COPE: variants seen among roughly 807,000 people sequenced by gnomAD.
COPE encodes coatomer subunit epsilon.
COPE carries 19 observed loss-of-function variants against 42.1 expected under a neutral mutation model. The ratio of observed to expected loss-of-function variants is 0.45; its 90% CI spans 0.31 to 0.66. COPE has a LOEUF of 0.66. Among genes scored for constraint, COPE ranks in the 30% least tolerant of loss-of-function variants. The pLI, the probability that COPE is intolerant of heterozygous loss-of-function variation, is 0.05. For synonymous variants in COPE, 195 were observed against 181.3 expected (o/e 1.08, Z -0.60); for missense variants, 402 against 416.1 (o/e 0.97, Z 0.30).
chr19:18,900,003 T>G, intron 8 of COPE, 56 bp from the exon 9 acceptor site: 1 of 1,515,522 alleles, frequency 6.6e-7, no homozygotes, highest in Non-Finnish European at 9.0e-7. Flanking sequence ...ACGGTGGCTC[T>G]GACCTGCTGG....
At chr19:18,913,912 T>G (rs1166055333) in intron 1 of COPE, among the ~76,000 whole-genome samples, 1 of 152,170 alleles carries the variant, frequency 6.6e-6, no homozygotes, top group East Asian at 1.9e-4. Flanking sequence ...TGCCCTGTCC[T>G]CTGAAGCCGA....
chr19:18,900,073 G>T, intron 8 of COPE, 126 bp from the exon 9 acceptor site: 2 of 771,846 alleles, frequency 2.6e-6, no homozygotes, highest in Non-Finnish European at 2.1e-6. Context: ...CCTGCCTTGG[G>T]ACTGGGCTGA....
intron 6 of COPE, 55 bp from the exon 7 acceptor site, chr19:18,903,478 C>G (rs889002045): frequency 1.9e-6 from 3 of 1,541,540 alleles, no homozygotes; most frequent in African/African-American, 1.4e-5. Context: ...GCCCTTCCCC[C>G]GCCAGCCCCC....
rs753386771 is a variant in COPE, at chr19:18,910,981, C to T, written c.280G>A (p.Glu94Lys). 26 of 1,613,716 alleles carry T rather than the reference C, an allele frequency of 1.6e-5. 1 individual carries two copies. The Admixed American group carries it at 3.2e-4, about 20-fold the overall frequency. ...VRMFADYLAH[E>K]SRRDSIVAEL... ...TCTCTGGGGCCTCACCTCCGACTCT[C>T]GTGGGCGAGGTAGTCAGCAAACATG... is the stretch of plus-strand genomic sequence containing the variant. The change falls in exon 3 of 10, where the codon GAG becomes AAG. Residue 94 changes from glutamate to lysine, a missense_variant. Glu to Lys is a moderately conservative substitution (Grantham distance 56). Transcript: ENST00000262812.
At chr19:18,917,241 C>CTTTTTTTT (rs531312180) in intron 1 of COPE, among the ~76,000 whole-genome samples, 103 of 110,584 alleles carry the variant, frequency 9.3e-4, no homozygotes, top group East Asian at 1.8e-3. Flanking sequence ...TTCTTTTTTT[C>CTTTTTTTT]TTTTTTTTTT....
chr19:18,909,801 C>T (rs1274973314), intron 3 of COPE, among the ~76,000 whole-genome samples: 1 of 152,202 alleles, frequency 6.6e-6, no homozygotes. Context: ...GTATGAGCCA[C>T]TGCACCCAGC....
At chr19:18,918,121 G>A (rs1056627986) in intron 1 of COPE, among the ~76,000 whole-genome samples, 2 of 148,238 alleles carry the variant, frequency 1.3e-5, no homozygotes. Flanking sequence ...ACCTGGGGGC[G>A]GAGGTTGCAG....
intron 3 of COPE, among the ~76,000 whole-genome samples, chr19:18,909,721 G>C (rs1601225728): frequency 6.6e-6 from 1 of 152,068 alleles, no homozygotes; most frequent in East Asian, 1.9e-4. Context: ...ACGTTGGCCA[G>C]GCTGGTCTTG....
At chr19:18,918,864 G>A (rs903645260) in intron 1 of COPE, among the ~76,000 whole-genome samples, 1 of 152,166 alleles carries the variant, frequency 6.6e-6, no homozygotes, top group Non-Finnish European at 1.5e-5. Context: ...GTCCTTCTCT[G>A]AACTTTAGGG....
chr19:18,912,378 T>C (rs1317574617), intron 2 of COPE, among the ~76,000 whole-genome samples: 1 of 150,790 alleles, frequency 6.6e-6, no homozygotes, highest in Non-Finnish European at 1.5e-5. Context: ...CTTGAACTCC[T>C]GGCTTCAAGT....
intron 2 of COPE, among the ~76,000 whole-genome samples, chr19:18,912,310 C>A (rs2056817782): frequency 6.6e-6 from 1 of 152,078 alleles, no homozygotes; most frequent in South Asian, 2.1e-4. Context: ...CCATGACTGT[C>A]TTATTTTTTA....
chr19:18,913,765 G>A (rs748533880), intron 1 of COPE, among the ~76,000 whole-genome samples: 5 of 152,208 alleles, frequency 3.3e-5, no homozygotes, highest in Admixed American at 1.3e-4. Context: ...CAGTTGGGAA[G>A]GGGCCCAGCC....
At chr19:18,919,188 GC>G (rs2056888589) in intron 1 of COPE, 34 bp downstream of exon 1, 2 of 1,582,770 alleles carry the variant, frequency 1.3e-6, no homozygotes, top group South Asian at 2.3e-5. Context: ...CTCCGCCTCC[GC>G]CCCCAGCGTC....
rs772579113 is a variant in COPE at position 18,905,591 on chromosome 19, C to T, written c.482G>A (p.Arg161His). ...MTVQILLKLD[R>H]LDLARKELKR... ...GAGGGCTCACCGGGCGAGGTCCAGG[C>T]GGTCCAGCTTCAGCAGGATCTGCAC... The change falls in exon 5 of 10, where the codon CGC becomes CAC. Residue 161 changes from arginine to histidine, a missense_variant. By Grantham distance (29) the Arg-to-His change is conservative (BLOSUM62 0). Coordinates refer to ENST00000262812, the MANE Select transcript of COPE (RefSeq NM_007263.4). 1.2e-5 allele frequency: 19 copies of T among 1,592,586 alleles called. No homozygotes were observed. Among genetic ancestry groups the T allele is most frequent in the Admixed American group, 3.4e-5 (2 of 58,330 alleles).
intron 3 of COPE, among the ~76,000 whole-genome samples, chr19:18,908,168 A>C (rs2056778252): frequency 1.3e-5 from 2 of 152,186 alleles, no homozygotes; most frequent in Non-Finnish European, 2.9e-5. Flanking sequence ...ACTGTGGCTC[A>C]CACCTGTAAC....
chr19:18,904,874 G>A (rs1323382712), intron 5 of COPE, 22 bp from the exon 6 acceptor site: 1 of 1,550,842 alleles, frequency 6.4e-7, no homozygotes, highest in South Asian at 1.2e-5. Context: ...ACAGATGACA[G>A]AGGGGCTGAG....
At chr19:18,919,145 G>C in intron 1 of COPE, 78 bp downstream of exon 1, 1 of 1,492,028 alleles carries the variant, frequency 6.7e-7, no homozygotes, top group Non-Finnish European at 9.2e-7. Context: ...GTTTTTAGAC[G>C]CAGAACGCGG....
At chr19:18,905,833 C>A in intron 4 of COPE, 1 of 567,848 alleles carries the variant, frequency 1.8e-6, no homozygotes, top group Non-Finnish European at 3.1e-6. Flanking sequence ...GGGGGAGGTA[C>A]CCAGGATGGG....
At chr19:18,910,704 A>G (rs1475460674) in intron 3 of COPE, 2 of 526,958 alleles carry the variant, frequency 3.8e-6, no homozygotes, top group Non-Finnish European at 3.4e-6. Flanking sequence ...TTCTAGGTTC[A>G]GAGAGTGCCT....
Sources: allele counts gnomAD v4.1 joint callset (sites outside exome capture counted in the v4.1 genomes callset), GRCh38; gene constraint gnomAD v4.1.1; transcripts MANE v1.5; gene names NCBI Gene and HGNC (gene_info 2026-07-23, HGNC 2026-07-21).